The following ATP9A variants were observed in gnomAD, a reference collection of about 807,000 sequenced individuals.
ATP9A encodes probable phospholipid-transporting ATPase IIA.
Under a neutral mutation model 144.1 loss-of-function variants are expected in ATP9A, and 52 were observed. The ratio of observed to expected loss-of-function variants is 0.36; its 90% CI spans 0.29 to 0.45. The LOEUF is 0.45. ATP9A is among the 20% of genes least tolerant of loss of function. The pLI is 1.00. For synonymous variants in ATP9A, 582 were observed against 557.4 expected (o/e 1.04, Z -0.62); for missense variants, 947 against 1,392.7 (o/e 0.68, Z 5.09).
intron 18 of ATP9A, 85 bp downstream of exon 18, chr20:51,625,107 C>G: frequency 1.4e-6 from 2 of 1,390,174 alleles, no homozygotes; most frequent in South Asian, 1.3e-5. Context: ...CTCCTCCCAC[C>G]CTTTCCCCCT....
At chr20:51,717,763 G>C (rs1176930371) in intron 3 of ATP9A, among the ~76,000 whole-genome samples, 1 of 152,074 alleles carries the variant, frequency 6.6e-6, no homozygotes, top group Non-Finnish European at 1.5e-5. Flanking sequence ...AGACCAGCCT[G>C]GCCAGCATGG....
intron 1 of ATP9A, among the ~76,000 whole-genome samples, chr20:51,735,698 A>C (rs558104123): frequency 6.6e-6 from 1 of 152,352 alleles, no homozygotes; most frequent in African/African-American, 2.4e-5. Flanking sequence ...TTTGATTGTT[A>C]CCACATTCAT....
chr20:51,618,359 C>T (rs2077211965), intron 21 of ATP9A, among the ~76,000 whole-genome samples: 1 of 152,046 alleles, frequency 6.6e-6, no homozygotes, highest in Admixed American at 6.6e-5. Context: ...TGGCAAAGGC[C>T]AGTGGAAAGA....
intron 4 of ATP9A, among the ~76,000 whole-genome samples, chr20:51,709,640 T>C (rs141455436): frequency 5.3e-5 from 8 of 152,218 alleles, no homozygotes; most frequent in Non-Finnish European, 1.0e-4. Context: ...AGTGAGAAGA[T>C]TGCTTGAGCC....
chr20:51,686,012 C>T (rs2077521448), intron 9 of ATP9A, among the ~76,000 whole-genome samples: 1 of 152,136 alleles, frequency 6.6e-6, no homozygotes, highest in South Asian at 2.1e-4. Context: ...GAATAGAATA[C>T]TATGCATAGA....
At chr20:51,712,158 C>T (rs956836749) in intron 4 of ATP9A, among the ~76,000 whole-genome samples, 12 of 151,778 alleles carry the variant, frequency 7.9e-5, no homozygotes, top group Admixed American at 3.3e-4. Context: ...CTGCAACCTC[C>T]GCCTCCCAGG....
chr20:51,663,489 CAAAA>C (rs199708966), intron 13 of ATP9A, among the ~76,000 whole-genome samples: 1 of 151,784 alleles, frequency 6.6e-6, no homozygotes, highest in Admixed American at 6.6e-5. Flanking sequence ...ACCACACTGA[CAAAA>C]AAAATTCTTC....
intron 1 of ATP9A, among the ~76,000 whole-genome samples, chr20:51,762,598 G>T (rs2077885716): frequency 6.6e-6 from 1 of 151,866 alleles, no homozygotes; most frequent in Non-Finnish European, 1.5e-5. Flanking sequence ...GGTGGAGGTT[G>T]CAGTGAGTAG....
intron 9 of ATP9A, among the ~76,000 whole-genome samples, chr20:51,676,516 T>C (rs946430761): frequency 3.9e-5 from 6 of 152,206 alleles, no homozygotes; most frequent in Admixed American, 3.3e-4. Context: ...TTTACTCTTG[T>C]TCCCCAGGCT....
chr20:51,638,439 G>A (rs55869943), intron 15 of ATP9A, among the ~76,000 whole-genome samples: 3,333 of 151,972 alleles, frequency 0.022, 65 homozygotes, highest in African/African-American at 0.052. Flanking sequence ...CCAAGGAATC[G>A]GTATTTTCAA....
chr20:51,655,545 G>A (rs535174745), intron 14 of ATP9A, among the ~76,000 whole-genome samples: 1 of 152,270 alleles, frequency 6.6e-6, no homozygotes, highest in East Asian at 1.9e-4. Context: ...AACATCAGGG[G>A]CCATCCGGAA....
rs576416544 is a variant in ATP9A, at chr20:51,596,615, G to A, written c.*4596C>T. 6.6e-6 allele frequency: 1 copy of A among 151,500 alleles called. No individual in the cohort carries two copies. The highest frequency in any genetic ancestry group is 2.4e-5 in the African/African-American group (1 of 41,176). The allele number at this position is 151,500 out of a possible 1,614,324, so 9.4% of individuals were successfully genotyped here. ...AATAAATAACATGCATTGATTTGGG[G>A]TTTTTTTTGCCAAAATCAAAATAAT... On this transcript the variant is annotated 3_prime_UTR_variant, in exon 28 of 28. Coordinates refer to ENST00000338821, the MANE Select transcript of ATP9A (RefSeq NM_006045.3).
At chr20:51,768,279 A>G in intron 1 of ATP9A, 23 bp downstream of exon 1, 1 of 1,250,480 alleles carries the variant, frequency 8.0e-7, no homozygotes, top group Non-Finnish European at 1.0e-6. Flanking sequence ...GACAAAGGAA[A>G]ACACGGGCCC....
At chr20:51,685,461 C>T (rs2122809073) in intron 9 of ATP9A, among the ~76,000 whole-genome samples, 1 of 152,068 alleles carries the variant, frequency 6.6e-6, no homozygotes, top group African/African-American at 2.4e-5. Flanking sequence ...ACTCGGGAGG[C>T]TGAGGCAGGA....
chr20:51,627,341 G>A (rs1372604982), intron 17 of ATP9A, among the ~76,000 whole-genome samples: 3 of 152,178 alleles, frequency 2.0e-5, no homozygotes, highest in Non-Finnish European at 4.4e-5. Flanking sequence ...CCTTAGACAG[G>A]TGGTCCAGGA....
At chr20:51,744,961 C>A (rs1274691578) in intron 1 of ATP9A, among the ~76,000 whole-genome samples, 1 of 152,060 alleles carries the variant, frequency 6.6e-6, no homozygotes, top group Non-Finnish European at 1.5e-5. Context: ...GAAACCTTGT[C>A]TCTACTAAAA....
chr20:51,630,821 C>T (rs181582541), intron 15 of ATP9A, among the ~76,000 whole-genome samples: 7 of 152,300 alleles, frequency 4.6e-5, no homozygotes, highest in African/African-American at 1.7e-4. Flanking sequence ...AACATGTCAA[C>T]CTTGATGTTA....
chr20:51,610,893 G>C (rs1409529694), intron 23 of ATP9A, among the ~76,000 whole-genome samples: 1 of 152,218 alleles, frequency 6.6e-6, no homozygotes, highest in African/African-American at 2.4e-5. Context: ...CAAAAGCAAT[G>C]AAGATATTTA....
At chr20:51,746,295 T>C (rs894033149) in intron 1 of ATP9A, among the ~76,000 whole-genome samples, 1 of 152,244 alleles carries the variant, frequency 6.6e-6, no homozygotes, top group African/African-American at 2.4e-5. Context: ...CTCAGGTACG[T>C]AGCCCTGAAC....
Sources: allele counts gnomAD v4.1 joint callset (sites outside exome capture counted in the v4.1 genomes callset), GRCh38; gene constraint gnomAD v4.1.1; transcripts MANE v1.5; gene names NCBI Gene and HGNC (gene_info 2026-07-23, HGNC 2026-07-21).